The following SLC44A5 variants were observed in gnomAD, a reference collection of about 807,000 sequenced individuals.
The protein encoded by SLC44A5 is solute carrier family 44 member 5.
SLC44A5 carries 57 observed loss-of-function variants against 101.8 expected under a neutral mutation model. That is an observed-to-expected ratio of 0.56 (90% CI 0.45 to 0.70). SLC44A5 has a LOEUF of 0.70. Ranked by LOEUF, SLC44A5 falls within the 30% of genes least tolerant of loss-of-function variation. The pLI is 0.00. For missense variants in SLC44A5, 737 were observed against 853.1 expected, an observed-to-expected ratio of 0.86 and a Z score of 1.70; for synonymous variants, 281 against 290.9, an observed-to-expected ratio of 0.97 and a Z score of 0.35.
At chr1:75,620,874 T>C in the SLC44A5 span, among the ~76,000 whole-genome samples, 1 of 152,102 alleles carries the variant, frequency 6.6e-6, no homozygotes, top group African/African-American at 2.4e-5. Context: ...GTTGCCACCA[T>C]TGTTTTTGAT....
intron 3 of SLC44A5, among the ~76,000 whole-genome samples, chr1:75,361,711 G>A (rs1191026391): frequency 2.0e-5 from 3 of 152,020 alleles, no homozygotes; most frequent in African/African-American, 7.2e-5. Context: ...TGATCATGAT[G>A]CATAATTGTT....
intron 4 of SLC44A5, among the ~76,000 whole-genome samples, chr1:75,302,566 G>T (rs1007787279): frequency 1.3e-5 from 2 of 152,054 alleles, no homozygotes; most frequent in Non-Finnish European, 2.9e-5. Context: ...AACTGCGGAT[G>T]GCCCCAAACC....
intron 19 of SLC44A5, 69 bp from the exon 20 acceptor site, chr1:75,214,747 T>A (rs1646928296): frequency 7.6e-7 from 1 of 1,309,288 alleles, no homozygotes; most frequent in Non-Finnish European, 1.1e-6. Flanking sequence ...GACAATCCAA[T>A]GACAGGAAGG....
At chr1:75,305,429 G>A (rs115221345) in intron 4 of SLC44A5, among the ~76,000 whole-genome samples, 9 of 152,284 alleles carry the variant, frequency 5.9e-5, no homozygotes, top group African/African-American at 1.9e-4. Flanking sequence ...TGATGAGTCA[G>A]TTTACTGTTT....
chr1:75,227,928 A>AGT, intron 12 of SLC44A5, 71 bp from the exon 13 acceptor site: 1 of 1,219,254 alleles, frequency 8.2e-7, no homozygotes, highest in Non-Finnish European at 1.1e-6. Flanking sequence ...TGTGCTCATC[A>AGT]TACATATCTA....
At chr1:75,357,130 A>G (rs1003489020) in intron 3 of SLC44A5, 28 of 451,998 alleles carry the variant, frequency 6.2e-5, no homozygotes, top group African/African-American at 5.2e-4. Flanking sequence ...ATGCCATCCA[A>G]TCCATCTTCA....
intron 4 of SLC44A5, among the ~76,000 whole-genome samples, chr1:75,327,160 G>A (rs932713995): frequency 1.3e-5 from 2 of 151,598 alleles, no homozygotes; most frequent in African/African-American, 4.8e-5. Context: ...CATGAGATTA[G>A]TAATGATTAT....
At chr1:75,522,421 T>C (rs1470858371) in intron 2 of SLC44A5, among the ~76,000 whole-genome samples, 3 of 152,110 alleles carry the variant, frequency 2.0e-5, no homozygotes, top group Admixed American at 6.5e-5. Flanking sequence ...TCCAGGTCAC[T>C]TTTTTCTTTC....
chr1:75,426,943 A>G (rs1156718228), intron 2 of SLC44A5, among the ~76,000 whole-genome samples: 1 of 152,256 alleles, frequency 6.6e-6, no homozygotes, highest in Non-Finnish European at 1.5e-5. Flanking sequence ...GCGCTTCGCC[A>G]GATGGGTGCT....
chr1:75,667,711 A>T, the SLC44A5 span, among the ~76,000 whole-genome samples: 1 of 152,320 alleles, frequency 6.6e-6, no homozygotes, highest in South Asian at 2.1e-4. Context: ...GAAACTGGTG[A>T]TGGTAGCTGC....
At chr1:75,477,661 G>A (rs1384143297) in intron 2 of SLC44A5, among the ~76,000 whole-genome samples, 3 of 152,176 alleles carry the variant, frequency 2.0e-5, no homozygotes, top group Non-Finnish European at 4.4e-5. Context: ...AGTGATGGAA[G>A]ATGAAAAGAA....
intron 2 of SLC44A5, among the ~76,000 whole-genome samples, chr1:75,473,485 G>A (rs932291768): frequency 2.6e-5 from 4 of 152,160 alleles, no homozygotes; most frequent in African/African-American, 9.6e-5. Context: ...TTTTGGTGAG[G>A]TAGGCGATGG....
chr1:75,640,761 C>T, the SLC44A5 span, among the ~76,000 whole-genome samples: 1 of 152,006 alleles, frequency 6.6e-6, no homozygotes, highest in African/African-American at 2.4e-5. Context: ...TCTGAAAGAG[C>T]TTTGCTTGGT....
chr1:75,431,467 T>C (rs1220961801), intron 2 of SLC44A5, among the ~76,000 whole-genome samples: 1 of 152,224 alleles, frequency 6.6e-6, no homozygotes, highest in Non-Finnish European at 1.5e-5. Flanking sequence ...ATTATTTCAA[T>C]ATTGTTTAAA....
intron 1 of SLC44A5, among the ~76,000 whole-genome samples, chr1:75,563,258 A>G (rs1672617618): frequency 6.6e-6 from 1 of 152,180 alleles, no homozygotes; most frequent in Non-Finnish European, 1.5e-5. Flanking sequence ...AGTTACAGAG[A>G]TTAACAGCTC....
chr1:75,296,254 C>T lies in SLC44A5; in HGVS notation c.175+4358G>A, dbSNP rs746294231. Reference sequence around the variant, plus strand: ...TTAAAGAAGCAATCACAAGCCTGACCGTATTCAAGGGGAAAGGATTGCAGA... The same window carrying T: ...TTAAAGAAGCAATCACAAGCCTGACTGTATTCAAGGGGAAAGGATTGCAGA... On this transcript the variant is annotated intron_variant, in intron 5 of 23. Coordinates refer to ENST00000370859, the MANE Select transcript of SLC44A5 (RefSeq NM_001130058.2). Among the ~76,000 whole-genome samples the T allele has an allele frequency of 1.1e-3, 167 of 152,110 alleles. 1 individual carries two copies. The highest frequency in any genetic ancestry group is 2.9e-3 in the South Asian group (14 of 4,814).
intron 1 of SLC44A5, among the ~76,000 whole-genome samples, chr1:75,600,610 G>A (rs1674918319): frequency 6.6e-6 from 1 of 152,056 alleles, no homozygotes; most frequent in South Asian, 2.1e-4. Context: ...GCCACATAAT[G>A]ACATTTTAGT....
At chr1:75,300,587 A>G in intron 5 of SLC44A5, 25 bp downstream of exon 5, 1 of 1,491,240 alleles carries the variant, frequency 6.7e-7, no homozygotes, top group Non-Finnish European at 9.2e-7. Context: ...AGTGTTAAAT[A>G]TTTTCTATAC....
chr1:75,537,883 ATTTC>A (rs1671142130), intron 2 of SLC44A5: 1 of 152,220 alleles, frequency 6.6e-6, no homozygotes, highest in African/African-American at 2.4e-5. Context: ...ATAAAGAATA[ATTTC>A]TTTCTTTAGC....
Sources: allele counts gnomAD v4.1 joint callset (sites outside exome capture counted in the v4.1 genomes callset), GRCh38; gene constraint gnomAD v4.1.1; transcripts MANE v1.5; gene names NCBI Gene and HGNC (gene_info 2026-07-23, HGNC 2026-07-21).